Variants in NRG1 observed in about 807,000 individuals in gnomAD.
NRG1 encodes the protein neuregulin 1, also known as pro-neuregulin-1, membrane-bound isoform.
Under a neutral mutation model 63.8 loss-of-function variants are expected in NRG1, and 18 were observed. That is an observed-to-expected ratio of 0.28 (90% CI 0.19 to 0.42). The LOEUF is 0.42. Among genes scored for constraint, NRG1 ranks in the 10% least tolerant of loss-of-function variants. The probability of loss-of-function intolerance (pLI) is 1.00; values close to 1 mark genes in which losing one functional copy is unlikely to be tolerated. For synonymous variants in NRG1, 302 were observed against 301.3 expected (o/e 1.00, Z -0.02); for missense variants, 762 against 814.7 (o/e 0.94, Z 0.79).
chr8:32,263,698 T>C (rs933173772), intron 1 of NRG1, among the ~76,000 whole-genome samples: 2 of 152,164 alleles, frequency 1.3e-5, no homozygotes, highest in Non-Finnish European at 2.9e-5. Flanking sequence ...CTCACATAAC[T>C]GTGAAGCTTA....
At chr8:32,326,700 T>C (rs1420490242) in intron 1 of NRG1, among the ~76,000 whole-genome samples, 1 of 152,116 alleles carries the variant, frequency 6.6e-6, no homozygotes, top group Non-Finnish European at 1.5e-5. Context: ...ATAGCAACTA[T>C]AGTAAAGAGA....
intron 1 of NRG1, chr8:31,639,982 A>T: frequency 8.9e-7 from 1 of 1,128,884 alleles, no homozygotes; most frequent in Non-Finnish European, 1.1e-6. Flanking sequence ...CGCACCTCGC[A>T]CCATGAGATG....
intron 5 of NRG1, among the ~76,000 whole-genome samples, chr8:32,694,382 C>T (rs1467351747): frequency 6.6e-6 from 1 of 152,122 alleles, no homozygotes; most frequent in Admixed American, 6.5e-5. Flanking sequence ...CTGTATGTAA[C>T]TCTTCTGACA....
chr8:32,412,143 A>T (rs1032141459), intron 1 of NRG1, among the ~76,000 whole-genome samples: 3 of 152,074 alleles, frequency 2.0e-5, no homozygotes, highest in African/African-American at 7.2e-5. Flanking sequence ...CTCCTGTCTG[A>T]CTGCTTTGAG....
chr8:31,960,173 A>G (rs1805214242), intron 1 of NRG1, among the ~76,000 whole-genome samples: 1 of 152,234 alleles, frequency 6.6e-6, no homozygotes, highest in Non-Finnish European at 1.5e-5. Context: ...GACAGGTTGG[A>G]TGGAAGATAC....
chr8:32,061,166 C>T (rs1823790236), intron 1 of NRG1, among the ~76,000 whole-genome samples: 2 of 151,756 alleles, frequency 1.3e-5, no homozygotes. Context: ...AAAAACTTTC[C>T]TGACCCATAA....
intron 1 of NRG1, among the ~76,000 whole-genome samples, chr8:32,300,161 T>C (rs554769372): frequency 3.9e-5 from 6 of 152,126 alleles, no homozygotes; most frequent in African/African-American, 1.4e-4. Context: ...TTCAAGTAAA[T>C]ACCAGCCCTG....
intron 1 of NRG1, among the ~76,000 whole-genome samples, chr8:31,858,189 C>T (rs1295737539): frequency 6.6e-6 from 1 of 151,908 alleles, no homozygotes; most frequent in South Asian, 2.1e-4. Context: ...GTCCCAGCTA[C>T]TCGGGAGGCT....
intron 1 of NRG1, among the ~76,000 whole-genome samples, chr8:31,646,784 A>C (rs1246967070): frequency 6.6e-6 from 1 of 152,238 alleles, no homozygotes; most frequent in African/African-American, 2.4e-5. Flanking sequence ...ATTTAGAAAG[A>C]TAAAAACATA....
chr8:32,069,514 G>T (rs1412313834), intron 1 of NRG1, among the ~76,000 whole-genome samples: 1 of 152,112 alleles, frequency 6.6e-6, no homozygotes, highest in East Asian at 1.9e-4. Context: ...GAACTGGGTG[G>T]GTGTCAAAAA....
intron 1 of NRG1, among the ~76,000 whole-genome samples, chr8:32,267,742 T>C (rs1851129832): frequency 6.6e-6 from 1 of 152,210 alleles, no homozygotes; most frequent in Non-Finnish European, 1.5e-5. Flanking sequence ...TTCAGGAATT[T>C]GTTTTCTTCT....
At chr8:31,721,330 T>A (rs6468061) in intron 1 of NRG1, among the ~76,000 whole-genome samples, 110,500 of 152,144 alleles carry the variant, frequency 0.73, 43,074 homozygotes, top group East Asian at 0.99. Context: ...CTGCTGCATT[T>A]GACACAGTAA....
chr8:31,652,130 A>G (rs540368667), intron 1 of NRG1, among the ~76,000 whole-genome samples: 11 of 152,284 alleles, frequency 7.2e-5, no homozygotes, highest in African/African-American at 2.6e-4. Flanking sequence ...GCTGAGATAA[A>G]TTCAGTTAAC....
At chr8:32,100,569 TC>T (rs1184020286) in intron 1 of NRG1, among the ~76,000 whole-genome samples, 2 of 149,730 alleles carry the variant, frequency 1.3e-5, no homozygotes, top group African/African-American at 2.5e-5. Context: ...AATGGGAAAG[TC>T]TTTTTTTTTA....
chr8:31,740,847 G>T (rs1032893779), intron 1 of NRG1, among the ~76,000 whole-genome samples: 1 of 151,930 alleles, frequency 6.6e-6, no homozygotes, highest in Non-Finnish European at 1.5e-5. Context: ...GAAGTGTTTC[G>T]ACTCAGCAAT....
At chr8:32,341,706 T>A (rs7815985) in intron 1 of NRG1, among the ~76,000 whole-genome samples, 78,957 of 151,954 alleles carry the variant, frequency 0.52, 21,387 homozygotes, top group Non-Finnish European at 0.61. Flanking sequence ...ATCTCAATTC[T>A]TAAATAAAAC....
chr8:32,654,572 T>A (rs1855871537), intron 5 of NRG1, among the ~76,000 whole-genome samples: 1 of 151,758 alleles, frequency 6.6e-6, no homozygotes, highest in Non-Finnish European at 1.5e-5. Context: ...GAGGTTGCAG[T>A]GAGCCGAGAT....
intron 1 of NRG1, among the ~76,000 whole-genome samples, chr8:31,761,094 G>C (rs1010909096): frequency 5.9e-5 from 9 of 152,058 alleles, no homozygotes; most frequent in African/African-American, 1.4e-4. Flanking sequence ...AAATGTGGCA[G>C]ATATACACCA....
chr8:32,676,046 A>C (rs546307288), intron 5 of NRG1, among the ~76,000 whole-genome samples: 80 of 152,306 alleles, frequency 5.3e-4, no homozygotes, highest in African/African-American at 1.9e-3. Flanking sequence ...CAATAATAAT[A>C]ATCATGGTAA....
Sources: gnomAD v4.1 joint callset for allele counts (sites outside exome capture counted in the v4.1 genomes callset) on GRCh38, gnomAD v4.1.1 for gene constraint, MANE v1.5 for transcripts, NCBI Gene and HGNC (gene_info 2026-07-23, HGNC 2026-07-21) for gene names.